Variants in CSMD1 observed in about 807,000 individuals in gnomAD.
CSMD1 encodes the protein CUB and Sushi multiple domains 1, also known as CUB and sushi domain-containing protein 1.
Under a neutral mutation model 417.5 loss-of-function variants are expected in CSMD1, and 213 were observed. That is an observed-to-expected ratio of 0.51 (90% CI 0.46 to 0.57). The LOEUF (loss-of-function observed/expected upper bound fraction) is 0.57, where lower values mean the gene tolerates loss of function less well. CSMD1 is among the 20% of genes least tolerant of loss of function. The pLI, the probability that CSMD1 is intolerant of heterozygous loss-of-function variation, is 0.00. For missense variants in CSMD1, 6,923 were observed against 4,529.7 expected (o/e 1.53, Z -15.17); for synonymous variants, 2,862 against 1,736.8 (o/e 1.65, Z -16.11).
intron 1 of CSMD1, among the ~76,000 whole-genome samples, chr8:4,919,970 C>G (rs1221739597): frequency 6.6e-6 from 1 of 152,130 alleles, no homozygotes. Context: ...CTTGGACTTC[C>G]CAGCCTCCAG....
intron 2 of CSMD1, among the ~76,000 whole-genome samples, chr8:4,579,667 C>A (rs2617067): frequency 0.33 from 50,674 of 151,626 alleles, 8,656 homozygotes; most frequent in Non-Finnish European, 0.38. Flanking sequence ...CGGCCTTAAA[C>A]CTATATTTTA....
chr8:4,436,986 T>C (rs1798184991), intron 2 of CSMD1, among the ~76,000 whole-genome samples: 1 of 152,200 alleles, frequency 6.6e-6, no homozygotes, highest in Admixed American at 6.5e-5. Flanking sequence ...AATTTCTTGC[T>C]CAGCTTTCTA....
intron 42 of CSMD1, among the ~76,000 whole-genome samples, chr8:3,112,631 T>C (rs1250311207): frequency 6.6e-6 from 1 of 152,204 alleles, no homozygotes; most frequent in Non-Finnish European, 1.5e-5. Flanking sequence ...TATGTACCAG[T>C]AAGGGTGCCT....
At chr8:3,697,828 A>G (rs1014933500) in intron 7 of CSMD1, among the ~76,000 whole-genome samples, 2 of 152,170 alleles carry the variant, frequency 1.3e-5, no homozygotes, top group African/African-American at 4.8e-5. Context: ...TAGGTCTGCC[A>G]TCATCTCCAG....
intron 2 of CSMD1, among the ~76,000 whole-genome samples, chr8:4,459,030 C>A (rs1463440401): frequency 1.3e-5 from 2 of 152,186 alleles, no homozygotes; most frequent in African/African-American, 4.8e-5. Context: ...CTTTCTTCCC[C>A]TTATCTCCAA....
chr8:3,534,623 G>A (rs1026683091), intron 10 of CSMD1, among the ~76,000 whole-genome samples: 3 of 151,818 alleles, frequency 2.0e-5, no homozygotes, highest in Admixed American at 6.6e-5. Flanking sequence ...TCTGCTAGAT[G>A]TCAGTTGGTA....
At chr8:4,797,186 T>A (rs189157256) in intron 1 of CSMD1, among the ~76,000 whole-genome samples, 3 of 152,214 alleles carry the variant, frequency 2.0e-5, no homozygotes. Context: ...GGCAGGCAGC[T>A]GACTGAAGCC....
At chr8:4,161,318 G>C (rs1261394809) in intron 3 of CSMD1, among the ~76,000 whole-genome samples, 4 of 152,192 alleles carry the variant, frequency 2.6e-5, no homozygotes, top group Non-Finnish European at 5.9e-5. Context: ...AACAGTAAGT[G>C]ACAGAATTAG....
intron 40 of CSMD1, among the ~76,000 whole-genome samples, chr8:3,144,905 C>G (rs763799191): frequency 7.2e-5 from 11 of 151,908 alleles, no homozygotes; most frequent in Non-Finnish European, 1.2e-4. Context: ...CAGCTGCGCT[C>G]CTGGACTGCC....
rs563959406 is a variant in CSMD1 at position 4,007,457 on chromosome 8, G to A, written c.611-9347C>T. On this transcript the variant is annotated intron_variant, in intron 4 of 69. Transcript: ENST00000635120. ...GCCTGAGAAGCACATCTCCCTGTCT[G>A]ACTTCAGAGCCCCTCACAAGGCACT... is the stretch of plus-strand genomic sequence containing the variant. 7.6e-4 allele frequency among the ~76,000 whole-genome samples: 115 copies of A among 152,172 alleles called. 2 individuals are homozygous for A. Among genetic ancestry groups the A allele is most frequent in the Non-Finnish European group, 9.9e-4 (67 of 68,010 alleles).
chr8:3,318,020 C>G (rs1321926225), intron 23 of CSMD1, among the ~76,000 whole-genome samples: 2 of 152,118 alleles, frequency 1.3e-5, no homozygotes, highest in East Asian at 3.9e-4. Flanking sequence ...CGGCTGGGCT[C>G]AAAACCCTGG....
intron 9 of CSMD1, among the ~76,000 whole-genome samples, chr8:3,578,792 C>A (rs1406758121): frequency 6.6e-6 from 1 of 152,176 alleles, no homozygotes; most frequent in African/African-American, 2.4e-5. Context: ...CTTTCCTTCC[C>A]TTAGCTTCTG....
At position 3,359,263 on chromosome 8, in the gene CSMD1, C is replaced by G. The variant is rs867135193; in HGVS notation, c.3193G>C (p.Asp1065His). The change falls in exon 21 of 70, where the codon GAC becomes CAC. Residue 1065 changes from aspartate (D) to histidine (H), a missense_variant. Physicochemically the swap from Asp to His is moderately conservative, Grantham distance 81 (BLOSUM62 -1). Transcript: ENST00000635120. ...RRIGFHFGVG[D>H]SLTFSCFLGY... ...AGGAAGCAGGAAAACGTCAGAGAGT[C>G]TCCCACACCAAAGTGAAAACCAATT... The G allele has an allele frequency of 1.2e-6, 2 of 1,613,776 alleles. No individual in the cohort carries two copies. Among genetic ancestry groups the G allele is most frequent in the East Asian group, 2.2e-5 (1 of 44,870 alleles).
intron 2 of CSMD1, among the ~76,000 whole-genome samples, chr8:4,616,190 T>C (rs956773303): frequency 1.3e-5 from 2 of 152,106 alleles, no homozygotes; most frequent in Admixed American, 6.6e-5. Context: ...AAATACCTAG[T>C]TTTCTTTTTT....
chr8:4,537,391 T>C (rs1000655598), intron 2 of CSMD1, among the ~76,000 whole-genome samples: 16 of 152,310 alleles, frequency 1.1e-4, no homozygotes, highest in African/African-American at 3.4e-4. Flanking sequence ...GGCAATGTAA[T>C]ATTGCATATA....
rs758276888 is a variant in CSMD1, at chr8:3,639,854, C to A, written c.1010-23057G>T. Reference sequence around the variant, plus strand: ...AATCTAATCATATTATTTATTTTATCAGCTGGAAAAATATGTGATATGTTC... The same window carrying A: ...AATCTAATCATATTATTTATTTTATAAGCTGGAAAAATATGTGATATGTTC... On this transcript the variant is annotated intron_variant, in intron 7 of 69. Transcript: ENST00000635120. Among the ~76,000 whole-genome samples the A allele has an allele frequency of 1.3e-5, 2 of 152,130 alleles. 1 individual carries two copies. The highest frequency in any genetic ancestry group is 1.3e-4 in the Admixed American group (2 of 15,262).
At chr8:3,283,382 C>A (rs1322297896) in intron 26 of CSMD1, among the ~76,000 whole-genome samples, 2 of 152,126 alleles carry the variant, frequency 1.3e-5, no homozygotes, top group African/African-American at 4.8e-5. Context: ...AGACCCACAC[C>A]TGTCTTGCAT....
intron 30 of CSMD1, among the ~76,000 whole-genome samples, chr8:3,212,861 C>A (rs1319476916): frequency 7.2e-6 from 1 of 138,204 alleles, no homozygotes; most frequent in Non-Finnish European, 1.5e-5. Context: ...GAGAGTTTCA[C>A]TCTTGTTGCC....
rs773994973 is a variant in CSMD1, at chr8:3,586,245, T to C, written c.1113A>G (p.Val371=). The C allele has an allele frequency of 8.1e-6, 13 of 1,606,528 alleles. No individual in the cohort carries two copies. Among genetic ancestry groups the C allele is most frequent in the Non-Finnish European group, 1.1e-5 (13 of 1,178,122 alleles). ...CGTAATTGTCCTCACATGAAAACTG[T>C]ACATTTGCACCAACCCTAAGCCGTT... ...AGSDFRVGAN[V]QFSCEDNYVL... is the part of the protein sequence containing the mutation. The change falls in exon 9 of 70, where the codon GTA becomes GTG. Residue 371 remains valine (V), a synonymous_variant. Transcript: ENST00000635120.
Sources: gnomAD v4.1 joint callset for allele counts (sites outside exome capture counted in the v4.1 genomes callset) on GRCh38, gnomAD v4.1.1 for gene constraint, MANE v1.5 for transcripts, NCBI Gene and HGNC (gene_info 2026-07-23, HGNC 2026-07-21) for gene names.